Variants in ATOSA observed in about 807,000 individuals in gnomAD.
ATOSA encodes the protein atos homolog A, also known as atos homolog protein A.
At chr15:52,601,581 C>T in the ATOSA span, among the ~76,000 whole-genome samples, 2 of 151,390 alleles carry the variant, frequency 1.3e-5, no homozygotes, top group Non-Finnish European at 2.9e-5. Flanking sequence ...GAGGCCCCAC[C>T]AGCACTGCCC....
chr15:52,622,496 C>T, the ATOSA span, among the ~76,000 whole-genome samples: 8 of 152,278 alleles, frequency 5.3e-5, no homozygotes, highest in East Asian at 9.6e-4. Flanking sequence ...CTTTCGTAGA[C>T]ACTGGGGCTT....
chr15:52,677,896 T>C, the ATOSA span: 2 of 1,399,596 alleles, frequency 1.4e-6, no homozygotes, highest in Non-Finnish European at 2.0e-6. Flanking sequence ...GATAATCACA[T>C]ATGATACAGA....
chr15:52,658,272 G>A, the ATOSA span: 1 of 152,322 alleles, frequency 6.6e-6, no homozygotes, highest in African/African-American at 2.4e-5. Flanking sequence ...TAAAGACACA[G>A]ATGTTTAGAG....
At chr15:52,699,552 C>A in the ATOSA span, among the ~76,000 whole-genome samples, 1 of 151,762 alleles carries the variant, frequency 6.6e-6, no homozygotes, top group African/African-American at 2.4e-5. Context: ...GGCCTCTTCA[C>A]CCTCCCGTTT....
At chr15:52,675,949 G>C in the ATOSA span, among the ~76,000 whole-genome samples, 3 of 152,052 alleles carry the variant, frequency 2.0e-5, no homozygotes, top group African/African-American at 7.2e-5. Flanking sequence ...AAAACTTAGT[G>C]TTAAGTACGG....
At chr15:52,608,783 G>T in the ATOSA span, 5 of 1,604,688 alleles carry the variant, frequency 3.1e-6, no homozygotes, top group East Asian at 1.1e-4. Context: ...CATGTCTTAG[G>T]CCTTTTTGAG....
the ATOSA span, among the ~76,000 whole-genome samples, chr15:52,675,007 G>A: frequency 2.0e-5 from 3 of 152,042 alleles, no homozygotes; most frequent in South Asian, 6.2e-4. Flanking sequence ...TACAGACAAG[G>A]AAACTGAGAC....
At chr15:52,608,817 A>G in the ATOSA span, 2 of 1,603,326 alleles carry the variant, frequency 1.2e-6, no homozygotes, top group Non-Finnish European at 1.7e-6. Context: ...ACATGCTTTC[A>G]TATTTGTTCA....
At chr15:52,585,040 C>T in the ATOSA span, 8 of 949,242 alleles carry the variant, frequency 8.4e-6, no homozygotes, top group Admixed American at 2.6e-5. Context: ...TTTTAAACAA[C>T]AAGGTAATAC....
the ATOSA span, among the ~76,000 whole-genome samples, chr15:52,589,243 C>A: frequency 6.6e-6 from 1 of 152,108 alleles, no homozygotes; most frequent in Non-Finnish European, 1.5e-5. Context: ...ACTCTGTATA[C>A]CACTTTTTTT....
At chr15:52,622,672 T>C in the ATOSA span, among the ~76,000 whole-genome samples, 1 of 152,152 alleles carries the variant, frequency 6.6e-6, no homozygotes, top group East Asian at 1.9e-4. Context: ...CAGGTAACAT[T>C]TCAGCTGAGA....
the ATOSA span, chr15:52,609,417 T>C: frequency 2.5e-6 from 4 of 1,613,748 alleles, no homozygotes; most frequent in East Asian, 2.2e-5. Flanking sequence ...TATGTGATGC[T>C]GTTGGATCAA....
the ATOSA span, among the ~76,000 whole-genome samples, chr15:52,638,483 C>T: frequency 6.6e-6 from 1 of 151,876 alleles, no homozygotes; most frequent in Non-Finnish European, 1.5e-5. Flanking sequence ...TACCTGAGGT[C>T]AAGAATTTGA....
chr15:52,638,243 A>C, the ATOSA span, among the ~76,000 whole-genome samples: 1 of 152,384 alleles, frequency 6.6e-6, no homozygotes, highest in South Asian at 2.1e-4. Context: ...AAACTTGTAG[A>C]CAAGAATTGC....
the ATOSA span, among the ~76,000 whole-genome samples, chr15:52,588,327 T>TTAA: frequency 6.6e-6 from 1 of 152,360 alleles, no homozygotes; most frequent in African/African-American, 2.4e-5. Flanking sequence ...AAAAAGTGTA[T>TTAA]GTTAAAACAA....
chr15:52,645,455 T>G, the ATOSA span, among the ~76,000 whole-genome samples: 1 of 151,710 alleles, frequency 6.6e-6, no homozygotes, highest in Admixed American at 6.6e-5. Flanking sequence ...AATAAATAAA[T>G]AAATAAATAA....
chr15:52,685,424 T>TTTTG, the ATOSA span, among the ~76,000 whole-genome samples: 724 of 150,058 alleles, frequency 4.8e-3, 6 homozygotes, highest in African/African-American at 0.011. Context: ...GAGTTTTTTT[T>TTTTG]TTTTGTTTTG....
chr15:52,619,533 C>G, the ATOSA span, among the ~76,000 whole-genome samples: 11 of 152,028 alleles, frequency 7.2e-5, no homozygotes, highest in African/African-American at 2.7e-4. Flanking sequence ...GGCCTTCTTA[C>G]CAGTTACATG....
the ATOSA span, among the ~76,000 whole-genome samples, chr15:52,694,168 A>AT: frequency 2.0e-4 from 29 of 144,308 alleles, 1 homozygote; most frequent in East Asian, 1.6e-3. Flanking sequence ...ATATATATAT[A>AT]TTTTTTTTTT....
Sources: allele counts gnomAD v4.1 joint callset (sites outside exome capture counted in the v4.1 genomes callset), GRCh38; gene constraint gnomAD v4.1.1; transcripts MANE v1.5; gene names NCBI Gene and HGNC (gene_info 2026-07-23, HGNC 2026-07-21).